IL3RA: variants seen among roughly 807,000 people sequenced by gnomAD.
IL3RA encodes interleukin 3 receptor subunit alpha.
In IL3RA, 73 loss-of-function variants were observed where a neutral mutation model predicts 52.3. The observed-to-expected ratio is 1.40, with a 90% CI of 1.16 to 1.70. IL3RA has a LOEUF of 1.70. Among genes scored for constraint, IL3RA ranks in the 40% most tolerant of loss-of-function variants. IL3RA has a pLI of 0.00. For synonymous variants in IL3RA, 260 were observed against 194.0 expected (o/e 1.34, Z -2.83); for missense variants, 664 against 504.4 (o/e 1.32, Z -3.03).
Position 1,356,304 on chromosome X carries a change from C to A in IL3RA, c.700C>A (p.Arg234Ser), listed in dbSNP as rs201273430. The A allele has an allele frequency of 6.2e-7, 1 of 1,613,014 alleles. No homozygotes were observed. Among genetic ancestry groups the A allele is most frequent in the Non-Finnish European group, 8.5e-7 (1 of 1,179,314 alleles). ...CTGGAAAATGAGAAGTCATTTCAAT[C>A]GCAAATTTCGCTATGAGCTTCAGAT... ...MHWKMRSHFN[R>S]KFRYELQIQK... The change falls in exon 7 of 12, where the codon CGC becomes AGC. Residue 234 changes from arginine to serine, a missense_variant. Transcript: ENST00000331035.
intron 8 of IL3RA, among the ~76,000 whole-genome samples, chrX:1,359,802 C>G (rs1210370550): frequency 6.7e-6 from 1 of 149,484 alleles, no homozygotes; most frequent in African/African-American, 2.5e-5. Context: ...TTCTCCCTCC[C>G]TCTCTTTCTC....
chrX:1,344,029 G>T (rs145873621), intron 2 of IL3RA, among the ~76,000 whole-genome samples: 2,731 of 151,926 alleles, frequency 0.018, 91 homozygotes, highest in African/African-American at 0.061. Context: ...CACTTGACCT[G>T]GTGATCCGCC....
intron 8 of IL3RA, among the ~76,000 whole-genome samples, chrX:1,360,083 TTC>T (rs1360444854): frequency 2.7e-5 from 3 of 110,462 alleles, no homozygotes; most frequent in Admixed American, 1.8e-4. Flanking sequence ...CCCTCCATCT[TTC>T]TCTCTCTCTC....
At chrX:1,344,989 C>G (rs1445453510) in intron 2 of IL3RA, among the ~76,000 whole-genome samples, 1 of 135,292 alleles carries the variant, frequency 7.4e-6, no homozygotes, top group Non-Finnish European at 1.6e-5. Context: ...GGTGAAACGC[C>G]ATCTCTACTA....
At chrX:1,356,927 C>T (rs1382890738) in intron 7 of IL3RA, among the ~76,000 whole-genome samples, 1 of 151,794 alleles carries the variant, frequency 6.6e-6, no homozygotes, top group African/African-American at 2.4e-5. Context: ...ATTTTTGATC[C>T]ACAGTTCGTT....
At chrX:1,352,259 G>A (rs373695753) in intron 5 of IL3RA, 27 bp downstream of exon 5, 23 of 1,613,146 alleles carry the variant, frequency 1.4e-5, no homozygotes, top group Non-Finnish European at 2.0e-5. Flanking sequence ...GCAGAGGCCG[G>A]GCTGTCCCTG....
intron 8 of IL3RA, among the ~76,000 whole-genome samples, chrX:1,364,724 C>T (rs1308736051): frequency 6.6e-6 from 1 of 151,882 alleles, no homozygotes; most frequent in Non-Finnish European, 1.5e-5. Context: ...GGAATTCTCC[C>T]ACCTCAGCCT....
intron 7 of IL3RA, among the ~76,000 whole-genome samples, chrX:1,358,653 C>T (rs370639197): frequency 3.0e-4 from 45 of 152,170 alleles, no homozygotes; most frequent in African/African-American, 1.0e-3. Context: ...AGTGAGACTC[C>T]GTCTCATAAA....
chrX:1,376,905 G>A (rs1418547452), intron 9 of IL3RA, among the ~76,000 whole-genome samples: 119 of 127,310 alleles, frequency 9.3e-4, no homozygotes, highest in African/African-American at 1.7e-3. Flanking sequence ...CCCAGGAGAG[G>A]GGCCTCAGGA....
chrX:1,343,676 A>AT (rs2085586822), intron 2 of IL3RA, among the ~76,000 whole-genome samples: 3 of 144,970 alleles, frequency 2.1e-5, no homozygotes, highest in South Asian at 2.1e-4. Context: ...CAAAAAAAAA[A>AT]AAAAAAAAAG....
At chrX:1,376,584 TAAG>T (rs1439151166) in intron 9 of IL3RA, among the ~76,000 whole-genome samples, 1 of 142,388 alleles carries the variant, frequency 7.0e-6, no homozygotes, top group Admixed American at 7.1e-5. Context: ...AGACACCTCA[TAAG>T]AAGAGGAGAT....
intron 2 of IL3RA, among the ~76,000 whole-genome samples, chrX:1,344,167 C>G (rs1468744382): frequency 3.7e-4 from 56 of 152,072 alleles, no homozygotes; most frequent in African/African-American, 1.3e-3. Flanking sequence ...GGCTCAGTAA[C>G]TCACGTCTGT....
At chrX:1,361,684 C>A (rs746510283) in intron 8 of IL3RA, among the ~76,000 whole-genome samples, 2 of 143,442 alleles carry the variant, frequency 1.4e-5, no homozygotes, top group East Asian at 4.0e-4. Flanking sequence ...ACCCGGGAGG[C>A]AGAGGTTGCA....
At chrX:1,339,844 C>T (rs2085422123) in intron 1 of IL3RA, among the ~76,000 whole-genome samples, 1 of 151,850 alleles carries the variant, frequency 6.6e-6, no homozygotes, top group Admixed American at 6.6e-5. Flanking sequence ...AGCTGCCACC[C>T]CAGAGCACAG....
chrX:1,342,556 C>A, intron 2 of IL3RA, among the ~76,000 whole-genome samples: 1 of 115,840 alleles, frequency 8.6e-6, no homozygotes, highest in South Asian at 2.7e-4. Context: ...CATTCTTTAA[C>A]TTCTTTTTTT....
At chrX:1,349,097 T>C (rs1163536467) in intron 4 of IL3RA, among the ~76,000 whole-genome samples, 1 of 149,230 alleles carries the variant, frequency 6.7e-6, no homozygotes. Context: ...AGGCTTCACC[T>C]CCTGAGCTCA....
chrX:1,347,444 C>CA (rs1423446443), intron 3 of IL3RA, among the ~76,000 whole-genome samples: 9 of 148,066 alleles, frequency 6.1e-5, no homozygotes, highest in African/African-American at 1.8e-4. Context: ...GACTCTGTCT[C>CA]AAAAAAACAA....
At chrX:1,354,735 G>A (rs1366960522) in intron 6 of IL3RA, among the ~76,000 whole-genome samples, 1 of 124,014 alleles carries the variant, frequency 8.1e-6, no homozygotes, top group Non-Finnish European at 1.7e-5. Flanking sequence ...GGGGGAGGAG[G>A]TGGAGATGGG....
rs2087807175 is a variant in IL3RA, at chrX:1,365,001, G to T, written c.760-137G>T. Reference sequence around the variant, plus strand: ...TTTTTGTATTTTTAGTAGAGACAGGGTTTCACCATGTTGGCCAGGCTGGTC... The same window carrying T: ...TTTTTGTATTTTTAGTAGAGACAGGTTTTCACCATGTTGGCCAGGCTGGTC... On this transcript the variant is annotated intron_variant, in intron 8 of 11. Transcript: ENST00000331035. 4 of 586,496 alleles carry T rather than the reference G, an allele frequency of 6.8e-6. No homozygotes were observed. In the South Asian group the frequency reaches 7.7e-5, roughly 11 times the overall value. 36.3% of individuals were successfully genotyped at this position (586,496 alleles called of 1,614,324 possible). A position where few individuals can be genotyped will look rare whatever the true frequency, so the allele number is the denominator to read the frequency against.
Sources: allele counts gnomAD v4.1 joint callset (sites outside exome capture counted in the v4.1 genomes callset), GRCh38; gene constraint gnomAD v4.1.1; transcripts MANE v1.5; gene names NCBI Gene and HGNC (gene_info 2026-07-23, HGNC 2026-07-21).